The following CNTN5 variants were observed in gnomAD, a reference collection of about 807,000 sequenced individuals.
CNTN5 encodes the protein contactin 5.
Under a neutral mutation model 129.1 loss-of-function variants are expected in CNTN5, and 77 were observed. The ratio of observed to expected loss-of-function variants is 0.60; its 90% CI spans 0.50 to 0.72. The LOEUF is 0.72. Ranked by LOEUF, CNTN5 falls within the 30% of genes least tolerant of loss-of-function variation. CNTN5 has a pLI of 0.00. For synonymous variants in CNTN5, 509 were observed against 465.6 expected (o/e 1.09, Z -1.20); for missense variants, 1,478 against 1,328.8 (o/e 1.11, Z -1.75).
At chr11:99,867,521 T>G (rs1948387964) in intron 6 of CNTN5, among the ~76,000 whole-genome samples, 1 of 152,154 alleles carries the variant, frequency 6.6e-6, no homozygotes, top group African/African-American at 2.4e-5. Context: ...AAATCAATGT[T>G]CTTAGATTTT....
rs5793996 is a variant in CNTN5 at position 99,567,366 on chromosome 11, A to ATT, written c.55+11106_55+11107dup. Among the ~76,000 whole-genome samples the ATT allele has an allele frequency of 6.3e-3, 945 of 149,992 alleles. 12 individuals carry two copies. Among genetic ancestry groups the ATT allele is most frequent in the African/African-American group, 0.022 (880 of 40,824 alleles). Reference sequence around the variant, plus strand: ...TGCTTTAAAAACAACAACAAAAGGCATTTTTTTTTTCTCTACTTTGACCCC... The same window carrying ATT: ...TGCTTTAAAAACAACAACAAAAGGCATTTTTTTTTTTTCTCTACTTTGACCCC... On this transcript the variant is annotated intron_variant, in intron 3 of 24. Transcript: ENST00000524871.
chr11:99,851,391 C>A (rs1456141653), intron 6 of CNTN5, among the ~76,000 whole-genome samples: 1 of 152,186 alleles, frequency 6.6e-6, no homozygotes, highest in African/African-American at 2.4e-5. Flanking sequence ...ATTCCTGAAG[C>A]TTATGTTTGT....
chr11:99,583,173 G>A (rs949558649), intron 3 of CNTN5, among the ~76,000 whole-genome samples: 17 of 152,186 alleles, frequency 1.1e-4, no homozygotes, highest in African/African-American at 3.6e-4. Context: ...CTGCCTGATC[G>A]TTCCTCTGGA....
intron 1 of CNTN5, among the ~76,000 whole-genome samples, chr11:99,155,193 T>C (rs1018446810): frequency 6.6e-6 from 1 of 152,150 alleles, no homozygotes; most frequent in Non-Finnish European, 1.5e-5. Flanking sequence ...TACCCAGCTA[T>C]TTCCCCCTTC....
At chr11:99,394,485 T>C (rs1941419019) in intron 2 of CNTN5, among the ~76,000 whole-genome samples, 1 of 151,066 alleles carries the variant, frequency 6.6e-6, no homozygotes, top group Non-Finnish European at 1.5e-5. Context: ...AGCTTTTTCA[T>C]GGTTTATGAG....
intron 1 of CNTN5, among the ~76,000 whole-genome samples, chr11:99,293,924 C>T (rs1035116553): frequency 6.6e-6 from 1 of 151,534 alleles, no homozygotes; most frequent in Non-Finnish European, 1.5e-5. Flanking sequence ...TCTGTTCTTA[C>T]CTTTCTCATT....
chr11:99,729,103 G>T (rs1052710300), intron 3 of CNTN5, among the ~76,000 whole-genome samples: 9 of 152,136 alleles, frequency 5.9e-5, no homozygotes, highest in African/African-American at 2.2e-4. Context: ...CTCTATTGCA[G>T]TAGAAAGATA....
chr11:100,134,642 A>G (rs1946470382), intron 13 of CNTN5, among the ~76,000 whole-genome samples: 1 of 152,162 alleles, frequency 6.6e-6, no homozygotes, highest in South Asian at 2.1e-4. Context: ...TGCCTAGTAC[A>G]TTGTACCTAC....
At chr11:99,458,226 T>A (rs529177399) in intron 2 of CNTN5, among the ~76,000 whole-genome samples, 2 of 151,968 alleles carry the variant, frequency 1.3e-5, no homozygotes, top group African/African-American at 4.8e-5. Context: ...TATTTTTTTA[T>A]AAATGTGAGT....
chr11:99,771,156 G>T (rs919510460), intron 3 of CNTN5, among the ~76,000 whole-genome samples: 3 of 151,890 alleles, frequency 2.0e-5, no homozygotes, highest in Non-Finnish European at 4.4e-5. Flanking sequence ...AATTCTTGGG[G>T]TCACATCTCA....
chr11:99,939,560 A>T (rs1950388851), intron 7 of CNTN5, among the ~76,000 whole-genome samples: 2 of 152,132 alleles, frequency 1.3e-5, no homozygotes, highest in Admixed American at 1.3e-4. Flanking sequence ...TTTTATAAAA[A>T]GAAGGAAAAA....
intron 8 of CNTN5, among the ~76,000 whole-genome samples, chr11:99,996,430 G>C (rs1012678806): frequency 6.6e-6 from 1 of 152,044 alleles, no homozygotes; most frequent in African/African-American, 2.4e-5. Context: ...GATTCCATCT[G>C]TTTTTTCATT....
At chr11:99,684,754 A>G (rs929907268) in intron 3 of CNTN5, among the ~76,000 whole-genome samples, 1 of 151,832 alleles carries the variant, frequency 6.6e-6, no homozygotes, top group African/African-American at 2.4e-5. Context: ...TCATAAAACT[A>G]TTAATATCCT....
intron 3 of CNTN5, among the ~76,000 whole-genome samples, chr11:99,792,418 C>G (rs113519729): frequency 4.6e-5 from 7 of 151,756 alleles, no homozygotes; most frequent in African/African-American, 1.7e-4. Flanking sequence ...ATGTTGAACC[C>G]ACCTTACTTG....
intron 1 of CNTN5, among the ~76,000 whole-genome samples, chr11:99,265,328 A>G (rs1862837121): frequency 6.6e-6 from 1 of 152,048 alleles, no homozygotes; most frequent in Non-Finnish European, 1.5e-5. Context: ...TTAGTAAGAA[A>G]GAGTATAGAT....
chr11:99,606,630 G>A (rs1390461909), intron 3 of CNTN5, among the ~76,000 whole-genome samples: 15 of 137,454 alleles, frequency 1.1e-4, no homozygotes, highest in Non-Finnish European at 9.7e-5. Flanking sequence ...AAAAGAGCCC[G>A]CATCACCAAG....
At chr11:99,871,461 C>T (rs1257367365) in intron 6 of CNTN5, among the ~76,000 whole-genome samples, 1 of 151,900 alleles carries the variant, frequency 6.6e-6, no homozygotes, top group Non-Finnish European at 1.5e-5. Flanking sequence ...TTTCTTCTTT[C>T]AAGATTAATC....
chr11:100,093,237 A>G (rs10791161), intron 13 of CNTN5, among the ~76,000 whole-genome samples: 81,129 of 151,758 alleles, frequency 0.53, 22,736 homozygotes, highest in East Asian at 0.75. Flanking sequence ...TCTCTATACC[A>G]CAGCTAGTGT....
intron 2 of CNTN5, among the ~76,000 whole-genome samples, chr11:99,552,361 CA>C: frequency 6.6e-6 from 1 of 151,924 alleles, no homozygotes; most frequent in East Asian, 1.9e-4. Context: ...ATAAACAAGA[CA>C]AAAATCCTTG....
Sources: allele counts gnomAD v4.1 joint callset (sites outside exome capture counted in the v4.1 genomes callset), GRCh38; gene constraint gnomAD v4.1.1; transcripts MANE v1.5; gene names NCBI Gene and HGNC (gene_info 2026-07-23, HGNC 2026-07-21).